The following SIPA1L3 variants were observed in gnomAD, a reference collection of about 807,000 sequenced individuals.
SIPA1L3 encodes the protein signal-induced proliferation-associated 1-like protein 3.
SIPA1L3 carries 59 observed loss-of-function variants against 150.1 expected under a neutral mutation model. The observed-to-expected ratio is 0.39, with a 90% confidence interval of 0.32 to 0.49. The LOEUF is 0.49. Among genes scored for constraint, SIPA1L3 ranks in the 20% least tolerant of loss-of-function variants. SIPA1L3 has a pLI of 0.86. For missense variants in SIPA1L3, 2,211 were observed against 2,489.5 expected (o/e 0.89, Z 2.38); for synonymous variants, 1,070 against 1,077.6 (o/e 0.99, Z 0.14).
chr19:37,990,414 C>T (rs1040746221), intron 1 of SIPA1L3, among the ~76,000 whole-genome samples: 3 of 152,152 alleles, frequency 2.0e-5, no homozygotes, highest in Non-Finnish European at 4.4e-5. Flanking sequence ...GTGAGACAGG[C>T]GGGGTCGTGG....
chr19:38,152,707 G>T, intron 12 of SIPA1L3, 133 bp from the exon 13 acceptor site: 1 of 917,166 alleles, frequency 1.1e-6, no homozygotes, highest in Non-Finnish European at 1.6e-6. Flanking sequence ...CTTCCTAACC[G>T]CTTTCTCTCA....
intron 15 of SIPA1L3, among the ~76,000 whole-genome samples, chr19:38,172,816 A>G (rs115273132): frequency 0.014 from 2,091 of 152,268 alleles, 47 homozygotes; most frequent in African/African-American, 0.048. Flanking sequence ...TGTTTTTAAA[A>G]AGATTACTGT....
chr19:37,996,161 C>T (rs1169790919), intron 1 of SIPA1L3, among the ~76,000 whole-genome samples: 2 of 152,144 alleles, frequency 1.3e-5, no homozygotes, highest in Non-Finnish European at 2.9e-5. Context: ...CTCCTGGCCT[C>T]AAGTGATCCT....
intron 4 of SIPA1L3, among the ~76,000 whole-genome samples, chr19:38,092,589 C>T (rs1009438581): frequency 7.2e-5 from 11 of 152,148 alleles, no homozygotes; most frequent in Non-Finnish European, 1.5e-4. Flanking sequence ...GATGACAGCA[C>T]GGGGACTCTT....
intron 1 of SIPA1L3, among the ~76,000 whole-genome samples, chr19:37,992,794 G>A (rs1438891490): frequency 6.6e-6 from 1 of 152,156 alleles, no homozygotes; most frequent in Admixed American, 6.6e-5. Flanking sequence ...GAGGAGAGTG[G>A]CCTTTCTGGA....
rs557616886 is a variant in SIPA1L3 at position 37,919,853 on chromosome 19, G to A, written c.-379+12495G>A. Reference sequence around the variant, plus strand: ...AGCCTCCCAAGTAGCTGGGATTATAGGCATGCGCCACCATGCCTGGCTAAT... The same window carrying A: ...AGCCTCCCAAGTAGCTGGGATTATAAGCATGCGCCACCATGCCTGGCTAAT... On this transcript the variant is annotated intron_variant, in intron 1 of 21. Transcript: ENST00000222345. Among the ~76,000 whole-genome samples the A allele has an allele frequency of 2.0e-5, 3 of 151,846 alleles. No individual in the cohort carries two copies. The South Asian group carries it at 6.2e-4, about 32-fold the overall frequency.
intron 2 of SIPA1L3, among the ~76,000 whole-genome samples, chr19:38,064,692 C>T (rs1046760252): frequency 3.9e-5 from 6 of 152,118 alleles, no homozygotes; most frequent in South Asian, 2.1e-4. Context: ...GAGCCAGACT[C>T]TGTCTCAAAA....
Position 38,182,667 on chromosome 19 carries a change from A to G in SIPA1L3, c.4357A>G (p.Asn1453Asp), listed in dbSNP as rs746204027. ...KSFFSKQPVR[N>D]KHPTGWKRTE... ...CTTCTTCTCCAAGCAGCCTGTACGC[A>G]ATAAGCACCCAACAGGGTGGAAGAG... Residue 1453 changes from asparagine (N) to aspartate (D), a missense_variant, in exon 16 of 22, where the codon AAT (asparagine) becomes GAT (aspartate). By Grantham distance (23) the Asn-to-Asp change is conservative. Coordinates refer to ENST00000222345, the MANE Select transcript of SIPA1L3 (RefSeq NM_015073.3). 5.6e-6 allele frequency: 9 copies of G among 1,614,038 alleles called. No homozygotes were observed. Among genetic ancestry groups the G allele is most frequent in the Middle Eastern group, 3.3e-4 (2 of 6,084 alleles).
intron 1 of SIPA1L3, among the ~76,000 whole-genome samples, chr19:37,921,587 T>G (rs1423997383): frequency 6.6e-6 from 1 of 150,824 alleles, no homozygotes; most frequent in East Asian, 1.9e-4. Flanking sequence ...TTCATCTCTG[T>G]CCTTTCTTTT....
chr19:38,030,534 T>TTAAA (rs776478869), intron 2 of SIPA1L3, among the ~76,000 whole-genome samples: 6 of 150,254 alleles, frequency 4.0e-5, no homozygotes, highest in South Asian at 2.1e-4. Context: ...ACCTAAAAAT[T>TTAAA]TAAATAAATA....
At chr19:38,128,293 C>G (rs1293152794) in intron 9 of SIPA1L3, among the ~76,000 whole-genome samples, 1 of 152,066 alleles carries the variant, frequency 6.6e-6, no homozygotes, top group African/African-American at 2.4e-5. Context: ...TAAAAAGTGT[C>G]ACAGTGTGCC....
intron 1 of SIPA1L3, among the ~76,000 whole-genome samples, chr19:37,989,581 T>C (rs1233908129): frequency 6.6e-6 from 1 of 152,104 alleles, no homozygotes; most frequent in Non-Finnish European, 1.5e-5. Context: ...ACATGGAGGT[T>C]CTGATTAAGT....
At chr19:38,068,203 T>A (rs770283806) in intron 2 of SIPA1L3, among the ~76,000 whole-genome samples, 1 of 151,956 alleles carries the variant, frequency 6.6e-6, no homozygotes, top group Non-Finnish European at 1.5e-5. Context: ...TTTTTCTTCA[T>A]ATTTTTTAGT....
intron 2 of SIPA1L3, among the ~76,000 whole-genome samples, chr19:38,063,820 G>GA (rs1288009098): frequency 3.9e-5 from 6 of 151,936 alleles, no homozygotes; most frequent in African/African-American, 1.5e-4. Context: ...TGTTCACTGA[G>GA]AAAAAAATAA....
At chr19:37,927,554 G>GTGTT (rs1302892154) in intron 1 of SIPA1L3, among the ~76,000 whole-genome samples, 2 of 149,638 alleles carry the variant, frequency 1.3e-5, no homozygotes, top group African/African-American at 5.0e-5. Context: ...GTGTGTGTGT[G>GTGTT]TGTGTGTACG....
intron 1 of SIPA1L3, among the ~76,000 whole-genome samples, chr19:37,946,463 T>C (rs1469342749): frequency 6.6e-6 from 1 of 152,216 alleles, no homozygotes; most frequent in East Asian, 1.9e-4. Context: ...GCTATTTGGG[T>C]AACCAAAAGT....
rs768875823 is a variant in SIPA1L3 at position 38,142,690 on chromosome 19, A to T, written c.3513A>T (p.Arg1171Ser). The T allele has an allele frequency of 4.3e-6, 7 of 1,613,778 alleles. No individual in the cohort carries two copies. The South Asian group carries it at 4.4e-5, about 10-fold the overall frequency. The part of the protein sequence containing the change: ...FSTPGSATYV[R>S]YKPSPERYTA... ...CCCCCGGTTCGGCCACCTACGTGAGATACAAGCCATCCCCAGAAAGGTCAG... is the reference window on the plus strand; with the variant it reads ...CCCCCGGTTCGGCCACCTACGTGAGTTACAAGCCATCCCCAGAAAGGTCAG... The change falls in exon 12 of 22, where the codon AGA (arginine) becomes AGT (serine). Residue 1171 changes from arginine to serine, a missense_variant. Around this residue, in one of 5 missense-constraint regions of SIPA1L3, gnomAD observed 806 missense variants for 870.1 expected, o/e 0.93. Coordinates refer to ENST00000222345, the MANE Select transcript of SIPA1L3 (RefSeq NM_015073.3).
At chr19:38,150,354 G>C (rs1237639191) in intron 12 of SIPA1L3, among the ~76,000 whole-genome samples, 1 of 151,910 alleles carries the variant, frequency 6.6e-6, no homozygotes, top group Non-Finnish European at 1.5e-5. Flanking sequence ...ATTAGGGCAG[G>C]GTCCCTGTAG....
chr19:38,206,313 G>A lies in SIPA1L3; in HGVS notation c.*73G>A. 1.4e-6 allele frequency: 2 copies of A among 1,468,188 alleles called. No individual in the cohort carries two copies. Among genetic ancestry groups the A allele is most frequent in the South Asian group, 2.8e-5 (2 of 72,036 alleles). 90.9% of individuals were successfully genotyped at this position (1,468,188 alleles called of 1,614,324 possible). On this transcript the variant is annotated 3_prime_UTR_variant, in exon 22 of 22. Coordinates refer to ENST00000222345, the MANE Select transcript of SIPA1L3 (RefSeq NM_015073.3). ...CCTGCTGCCTCTCTCCCTCCACTCAGCTCCCAGCTGCCGGTGTGACCAAGA... is the reference window on the plus strand; with the variant it reads ...CCTGCTGCCTCTCTCCCTCCACTCAACTCCCAGCTGCCGGTGTGACCAAGA...
Sources: gnomAD v4.1 joint callset for allele counts (sites outside exome capture counted in the v4.1 genomes callset) on GRCh38, gnomAD v4.1.1 for gene constraint, gnomAD v4.1.1 regional missense constraint, MANE v1.5 for transcripts, NCBI Gene and HGNC (gene_info 2026-07-23, HGNC 2026-07-21) for gene names.